The following CCDC91 variants were observed in gnomAD, a reference collection of about 807,000 sequenced individuals.
CCDC91 encodes coiled-coil domain-containing protein 91.
A neutral mutation model predicts 63.2 loss-of-function variants in CCDC91; 48 were observed. The ratio of observed to expected loss-of-function variants is 0.76; its 90% confidence interval spans 0.60 to 0.97. CCDC91 has a LOEUF of 0.97. CCDC91 is among the 50% of genes least tolerant of loss of function. The pLI is 0.00. For missense variants in CCDC91, 500 were observed against 494.6 expected, an observed-to-expected ratio of 1.01 and a Z score of -0.10; for synonymous variants, 167 against 165.8, an observed-to-expected ratio of 1.01 and a Z score of -0.06.
chr12:28,513,594 A>G (rs1401083157), intron 12 of CCDC91, among the ~76,000 whole-genome samples: 5 of 151,898 alleles, frequency 3.3e-5, no homozygotes, highest in African/African-American at 9.7e-5. Context: ...GGGATACTCA[A>G]CCTGTGTTCT....
In CCDC91 at chr12:28,485,440, A is replaced by G. The variant is rs202152053; in HGVS notation, c.1215+1275A>G. Among the ~76,000 whole-genome samples the G allele has an allele frequency of 1.4e-4, 21 of 147,926 alleles. No individual in the cohort carries two copies. In the East Asian group the frequency reaches 3.1e-3, roughly 22 times the overall value. On this transcript the variant is annotated intron_variant, in intron 12 of 12. Coordinates refer to ENST00000536442, the MANE Select transcript of CCDC91 (RefSeq NM_018318.5). ...CTCAGCCTCCCAAAGTGCCAGGAAT[A>G]CAGGCATGAGCCACCGTGCCCAGCC...
intron 7 of CCDC91, among the ~76,000 whole-genome samples, chr12:28,382,275 A>ACT (rs1945340652): frequency 6.6e-6 from 1 of 151,566 alleles, no homozygotes; most frequent in Non-Finnish European, 1.5e-5. Context: ...GGAGGAAAAT[A>ACT]CTAATTTTAA....
intron 12 of CCDC91, among the ~76,000 whole-genome samples, chr12:28,528,611 A>G (rs1783334239): frequency 6.6e-6 from 1 of 152,132 alleles, no homozygotes; most frequent in Non-Finnish European, 1.5e-5. Context: ...GATGTTCTGT[A>G]CGTCCAAGTG....
intron 1 of CCDC91, among the ~76,000 whole-genome samples, chr12:28,207,158 A>C (rs1942918717): frequency 1.3e-5 from 2 of 152,254 alleles, no homozygotes; most frequent in Non-Finnish European, 2.9e-5. Flanking sequence ...GCAAGGAAGA[A>C]AATATTCAAA....
At chr12:28,537,432 TTTAG>T (rs1942266187) in intron 12 of CCDC91, among the ~76,000 whole-genome samples, 1 of 152,210 alleles carries the variant, frequency 6.6e-6, no homozygotes, top group Non-Finnish European at 1.5e-5. Flanking sequence ...GTGTCATTTA[TTTAG>T]TATTTTGAGC....
chr12:28,294,812 C>T (rs1399756398), intron 3 of CCDC91, among the ~76,000 whole-genome samples: 1 of 151,938 alleles, frequency 6.6e-6, no homozygotes, highest in Non-Finnish European at 1.5e-5. Context: ...TTGGAACTCC[C>T]GACCTCAGGT....
At chr12:28,484,237 A>T in intron 12 of CCDC91, 72 bp downstream of exon 12, 2 of 712,470 alleles carry the variant, frequency 2.8e-6, no homozygotes, top group Non-Finnish European at 2.3e-6. Context: ...CAATAACATG[A>T]AATTGTAAAA....
intron 12 of CCDC91, among the ~76,000 whole-genome samples, chr12:28,524,392 G>T (rs1487371434): frequency 6.6e-6 from 1 of 151,986 alleles, no homozygotes; most frequent in East Asian, 1.9e-4. Flanking sequence ...TGTTTATGTG[G>T]TGTATCACAT....
chr12:28,247,167 T>G (rs1426651794), intron 1 of CCDC91, among the ~76,000 whole-genome samples: 5 of 152,180 alleles, frequency 3.3e-5, no homozygotes, highest in Non-Finnish European at 7.3e-5. Context: ...GTTACAAAGG[T>G]CCATTAATTC....
chr12:28,192,286 A>G (rs886647444), intron 1 of CCDC91, among the ~76,000 whole-genome samples: 3 of 152,170 alleles, frequency 2.0e-5, no homozygotes, highest in African/African-American at 4.8e-5. Context: ...ACTCTTATCT[A>G]TATGTGTCAG....
rs71452086 is a variant in CCDC91, at chr12:28,409,511, C to T, written c.762+18100C>T. ...TTTTCTTAACCTTCTCAAATACCAG[C>T]GTTTGGTTTCATTGATTTTTAAGTT... On this transcript the variant is annotated intron_variant, in intron 8 of 12. Transcript: ENST00000536442. Among the ~76,000 whole-genome samples, 603 of 152,102 alleles carry T rather than the reference C, an allele frequency of 4.0e-3. 4 individuals are homozygous for T. Among genetic ancestry groups the T allele is most frequent in the Non-Finnish European group, 6.2e-3 (420 of 67,976 alleles).
At chr12:28,434,603 T>TG (rs1442612430) in intron 8 of CCDC91, among the ~76,000 whole-genome samples, 131 of 131,570 alleles carry the variant, frequency 1.0e-3, no homozygotes, top group Non-Finnish European at 1.8e-3. Flanking sequence ...GGTTTTTTTT[T>TG]TTTTTTTTTT....
intron 7 of CCDC91, 119 bp from the exon 8 acceptor site, chr12:28,391,184 AT>A (rs1226711593): frequency 5.5e-6 from 3 of 541,964 alleles, no homozygotes; most frequent in Non-Finnish European, 1.0e-5. Flanking sequence ...ACAAATACAT[AT>A]TTTGTAATTT....
At chr12:28,386,166 T>C (rs1307492135) in intron 7 of CCDC91, among the ~76,000 whole-genome samples, 2 of 152,160 alleles carry the variant, frequency 1.3e-5, no homozygotes, top group East Asian at 3.9e-4. Flanking sequence ...TAGTTATAAT[T>C]TGTAGCTTAG....
chr12:28,381,281 A>C lies in CCDC91; in HGVS notation c.655-10023A>C, dbSNP rs528213459. 7.0e-4 allele frequency among the ~76,000 whole-genome samples: 107 copies of C among 152,182 alleles called. 2 individuals are homozygous for C. The South Asian group carries it at 0.014, about 21-fold the overall frequency. On this transcript the variant is annotated intron_variant, in intron 7 of 12. Transcript: ENST00000536442. ...AATGGATGTTTTGTTTTTAATCCCTACCTTCTAGGTAATCAACTTTGGGAA... is the reference window on the plus strand; with the variant it reads ...AATGGATGTTTTGTTTTTAATCCCTCCCTTCTAGGTAATCAACTTTGGGAA...
In CCDC91 at chr12:28,267,866, T is replaced by TATAATTATATATTAATA. The variant is rs1555170569; in HGVS notation, c.109+8427_109+8428insATTATATATTAATAATA. 6.1e-4 allele frequency among the ~76,000 whole-genome samples: 32 copies of TATAATTATATATTAATA among 52,730 alleles called. 5 individuals carry two copies. The highest frequency in any genetic ancestry group is 9.4e-4 in the Non-Finnish European group (28 of 29,926). The allele number at this position is 52,730 out of a possible 152,430, so 34.6% of individuals were successfully genotyped here. On this transcript the variant is annotated intron_variant, in intron 3 of 12. Coordinates refer to ENST00000536442, the MANE Select transcript of CCDC91 (RefSeq NM_018318.5). The stretch of plus-strand genomic sequence containing the variant: ...ATAATTATATAGTAATATATAATTA[T>TATAATTATATATTAATA]ATATAATTATATATAATTATTATAA...
At chr12:28,273,435 A>G (rs1386062554) in intron 3 of CCDC91, among the ~76,000 whole-genome samples, 1 of 152,158 alleles carries the variant, frequency 6.6e-6, no homozygotes, top group Non-Finnish European at 1.5e-5. Context: ...ACAATGGTTG[A>G]ACTAGTTTAC....
At chr12:28,464,889 G>C (rs891033169) in intron 11 of CCDC91, among the ~76,000 whole-genome samples, 1 of 152,112 alleles carries the variant, frequency 6.6e-6, no homozygotes, top group Non-Finnish European at 1.5e-5. Context: ...AGACCCCTAG[G>C]GTCCTCAGTT....
chr12:28,443,222 GA>G lies in CCDC91; in HGVS notation c.763-6935del, dbSNP rs375014382. On this transcript the variant is annotated intron_variant, in intron 8 of 12. Coordinates refer to ENST00000536442, the MANE Select transcript of CCDC91 (RefSeq NM_018318.5). ...CTTAATAGTTAATTAGGATAATCCA[GA>G]AAAGGAGTCCTAGGCAAAAAAAAAA... 7.0e-4 allele frequency among the ~76,000 whole-genome samples: 97 copies of G among 138,472 alleles called. 1 individual carries two copies. The East Asian group carries it at 0.011, about 16-fold the overall frequency. 90.8% of individuals were successfully genotyped at this position (138,472 alleles called of 152,430 possible).
Sources: gnomAD v4.1 joint callset for allele counts (sites outside exome capture counted in the v4.1 genomes callset) on GRCh38, gnomAD v4.1.1 for gene constraint, MANE v1.5 for transcripts, NCBI Gene and HGNC (gene_info 2026-07-23, HGNC 2026-07-21) for gene names.